Variants in SEL1L observed in about 807,000 individuals in gnomAD.
SEL1L encodes the protein SEL1L adaptor subunit of SYVN1 ubiquitin ligase.
Under a neutral mutation model 109.8 loss-of-function variants are expected in SEL1L, and 52 were observed. The observed-to-expected ratio is 0.47, with a 90% CI of 0.38 to 0.60. The LOEUF (loss-of-function observed/expected upper bound fraction) is 0.60, where lower values mean the gene tolerates loss of function less well. Among genes scored for constraint, SEL1L ranks in the 20% least tolerant of loss-of-function variants. SEL1L has a pLI of 0.00. For missense variants in SEL1L, 749 were observed against 962.2 expected (o/e 0.78, Z 2.93); for synonymous variants, 373 against 339.6 (o/e 1.10, Z -1.08).
chr14:81,517,064 T>C (rs577198694), intron 3 of SEL1L, among the ~76,000 whole-genome samples: 2 of 152,098 alleles, frequency 1.3e-5, no homozygotes, highest in Admixed American at 6.5e-5. Flanking sequence ...GACTCACTGA[T>C]ATATGGTGAA....
intron 2 of SEL1L, 89 bp downstream of exon 2, chr14:81,527,612 G>C: frequency 1.2e-6 from 1 of 840,862 alleles, no homozygotes; most frequent in South Asian, 2.3e-5. Flanking sequence ...TTACTCAAAA[G>C]TTGCAGACCT....
At chr14:81,503,746 G>A (rs759361914) in intron 5 of SEL1L, among the ~76,000 whole-genome samples, 4 of 151,920 alleles carry the variant, frequency 2.6e-5, no homozygotes, top group Admixed American at 6.6e-5. Context: ...TTAAATCTTT[G>A]CAGACTATAA....
chr14:81,507,559 T>C (rs1187429534), intron 3 of SEL1L, among the ~76,000 whole-genome samples: 48 of 150,124 alleles, frequency 3.2e-4, no homozygotes, highest in Admixed American at 3.2e-3. Flanking sequence ...AAGGTGGCTA[T>C]TAAAAAAACA....
chr14:81,495,408 G>A (rs549193843), intron 10 of SEL1L, among the ~76,000 whole-genome samples: 1 of 152,278 alleles, frequency 6.6e-6, no homozygotes, highest in African/African-American at 2.4e-5. Flanking sequence ...GGAGGTCATG[G>A]GTGAATCACT....
intron 3 of SEL1L, among the ~76,000 whole-genome samples, chr14:81,525,070 TAG>T (rs999923517): frequency 2.6e-5 from 4 of 152,234 alleles, no homozygotes; most frequent in African/African-American, 9.6e-5. Context: ...ACATTCTTAC[TAG>T]AGAGAGACAC....
chr14:81,472,350 A>C lies in SEL1L; in HGVS notation c.*4622T>G, dbSNP rs913085274. The C allele has an allele frequency of 4.8e-6, 1 of 208,192 alleles. No homozygotes were observed. Among genetic ancestry groups the C allele is most frequent in the Non-Finnish European group, 9.8e-6 (1 of 102,016 alleles). 12.9% of individuals were successfully genotyped at this position (208,192 alleles called of 1,614,324 possible). On this transcript the variant is annotated 3_prime_UTR_variant, in exon 21 of 21. Transcript: ENST00000336735. ...TCAGTTGCCACAGTTTGCATCATGT[A>C]GGCTTTTTATCCAAGATCCAATGCT...
At chr14:81,521,694 T>C (rs77171503) in intron 3 of SEL1L, among the ~76,000 whole-genome samples, 4,672 of 152,346 alleles carry the variant, frequency 0.031, 247 homozygotes, top group African/African-American at 0.11. Flanking sequence ...TACAATTACG[T>C]ACGGTACATA....
intron 3 of SEL1L, among the ~76,000 whole-genome samples, chr14:81,514,818 C>T (rs1253733851): frequency 2.0e-5 from 3 of 152,140 alleles, no homozygotes; most frequent in African/African-American, 4.8e-5. Context: ...AAAGAGGCAG[C>T]TCATTTTTTT....
At chr14:81,511,982 G>T (rs1278324240) in intron 3 of SEL1L, among the ~76,000 whole-genome samples, 1 of 152,172 alleles carries the variant, frequency 6.6e-6, no homozygotes, top group Non-Finnish European at 1.5e-5. Flanking sequence ...ACTGAAAAAA[G>T]AAGTTCTGGA....
chr14:81,484,435 A>G, intron 18 of SEL1L, 38 bp from the exon 19 acceptor site: 6 of 1,579,286 alleles, frequency 3.8e-6, no homozygotes, highest in Non-Finnish European at 5.2e-6. Context: ...CCAATAAATA[A>G]AGTATGTTTA....
intron 20 of SEL1L, among the ~76,000 whole-genome samples, chr14:81,477,826 G>GA (rs1203575825): frequency 6.6e-6 from 1 of 152,080 alleles, no homozygotes; most frequent in East Asian, 1.9e-4. Context: ...AAAGAAAAAA[G>GA]AAAAAAACAG....
In SEL1L at chr14:81,476,910, G is replaced by C. The variant is rs1903176694; in HGVS notation, c.*62C>G. The C allele has an allele frequency of 3.9e-6, 6 of 1,546,240 alleles. No homozygotes were observed. Among genetic ancestry groups the C allele is most frequent in the Non-Finnish European group, 5.3e-6 (6 of 1,128,486 alleles). On this transcript the variant is annotated 3_prime_UTR_variant, in exon 21 of 21. Coordinates refer to ENST00000336735, the MANE Select transcript of SEL1L (RefSeq NM_005065.6). Reference sequence around the variant, plus strand: ...ACTGATCCAAGGTCCTAAATCAAATGCAAGTGTTCCCAGCAGATAACTTCC... The same window carrying C: ...ACTGATCCAAGGTCCTAAATCAAATCCAAGTGTTCCCAGCAGATAACTTCC...
rs1488241341 is a variant in SEL1L at position 81,472,184 on chromosome 14, T to C, written c.*4788A>G. The C allele has an allele frequency of 1.3e-5, 2 of 155,466 alleles. No homozygotes were observed. The highest frequency in any genetic ancestry group is 2.9e-5 in the Non-Finnish European group (2 of 70,126). 9.6% of individuals were successfully genotyped at this position (155,466 alleles called of 1,614,324 possible). A position where few individuals can be genotyped will look rare whatever the true frequency, so the allele number is the denominator to read the frequency against. On this transcript the variant is annotated 3_prime_UTR_variant, in exon 21 of 21. Transcript: ENST00000336735. ...AGGCTAAGTGGTGAACAGGCAGGCA[T>C]TGCCCCAGGTTGGATGGTCACCTGC... is the stretch of plus-strand genomic sequence containing the variant.
chr14:81,524,809 G>A (rs961499789), intron 3 of SEL1L, among the ~76,000 whole-genome samples: 1 of 152,142 alleles, frequency 6.6e-6, no homozygotes, highest in South Asian at 2.1e-4. Flanking sequence ...GGGAGGTGGA[G>A]GCTGCAGTAA....
intron 19 of SEL1L, among the ~76,000 whole-genome samples, chr14:81,481,069 T>C (rs1034814511): frequency 2.0e-5 from 3 of 151,476 alleles, no homozygotes; most frequent in African/African-American, 4.8e-5. Context: ...GGCTCCTTTA[T>C]TGACTAATTA....
In SEL1L at chr14:81,472,239, CCCA is replaced by C. The variant is rs1566966609; in HGVS notation, c.*4730_*4732del. On this transcript the variant is annotated 3_prime_UTR_variant, in exon 21 of 21. Transcript: ENST00000336735. ...GTTAAGGCTCTGACATCCGACTTCC[CCCA>C]CAACTTTTAGGTCAGTCAAGGTCAT... The C allele has an allele frequency of 6.3e-6, 1 of 158,246 alleles. No individual in the cohort carries two copies. The highest frequency in any genetic ancestry group is 1.9e-4 in the East Asian group (1 of 5,336). 9.8% of individuals were successfully genotyped at this position (158,246 alleles called of 1,614,324 possible).
At chr14:81,486,213 T>A in intron 17 of SEL1L, 76 bp downstream of exon 17, 1 of 1,382,348 alleles carries the variant, frequency 7.2e-7, no homozygotes, top group African/African-American at 1.5e-5. Context: ...TAGCTTTTCT[T>A]TTTGAATACA....
chr14:81,489,120 A>G (rs950487349), intron 14 of SEL1L, 132 bp downstream of exon 14: 3 of 773,696 alleles, frequency 3.9e-6, no homozygotes, highest in Admixed American at 2.3e-5. Flanking sequence ...AAACTCAGAC[A>G]ACAGAAAGAG....
Position 81,498,072 on chromosome 14 carries a change from G to T in SEL1L, c.974-26C>A, listed in dbSNP as rs112653371. 2.0e-3 allele frequency: 3,200 copies of T among 1,592,316 alleles called. 47 individuals are homozygous for T. The African/African-American group carries it at 0.035, about 17-fold the overall frequency. ...CTGAAATAGAGGGATAAAACAATAA[G>T]GTGGAGGAAAATCAGAAGAATTGTT... On this transcript the variant is annotated intron_variant, in intron 9 of 20. Coordinates refer to ENST00000336735, the MANE Select transcript of SEL1L (RefSeq NM_005065.6).
Sources: gnomAD v4.1 joint callset for allele counts (sites outside exome capture counted in the v4.1 genomes callset) on GRCh38, gnomAD v4.1.1 for gene constraint, MANE v1.5 for transcripts, NCBI Gene and HGNC (gene_info 2026-07-23, HGNC 2026-07-21) for gene names.